The following SUGCT variants were observed in gnomAD, a reference collection of about 807,000 sequenced individuals.
SUGCT encodes succinyl-CoA:glutarate-CoA transferase.
A neutral mutation model predicts 55.0 loss-of-function variants in SUGCT; 41 were observed. The ratio of observed to expected loss-of-function variants is 0.74; its 90% CI spans 0.58 to 0.97. The LOEUF is 0.97. SUGCT is among the 50% of genes least tolerant of loss of function. The pLI, the probability that SUGCT is intolerant of heterozygous loss-of-function variation, is 0.00. For synonymous variants in SUGCT, 187 were observed against 200.4 expected (o/e 0.93, Z 0.56); for missense variants, 568 against 547.8 (o/e 1.04, Z -0.37).
the SUGCT span, among the ~76,000 whole-genome samples, chr7:40,922,216 C>T: frequency 1.3e-5 from 2 of 152,168 alleles, no homozygotes; most frequent in Non-Finnish European, 2.9e-5. Context: ...CTAGTGACCC[C>T]TTTTGGGCTT....
At chr7:41,038,557 G>A in the SUGCT span, among the ~76,000 whole-genome samples, 85 of 152,222 alleles carry the variant, frequency 5.6e-4, 1 homozygote, top group Middle Eastern at 3.4e-3. Context: ...TTCTGTGACC[G>A]GTGCTAGTTT....
At chr7:40,306,781 C>T (rs547432003) in intron 8 of SUGCT, among the ~76,000 whole-genome samples, 8 of 152,260 alleles carry the variant, frequency 5.3e-5, no homozygotes, top group Non-Finnish European at 1.0e-4. Flanking sequence ...TTTAGTTGTT[C>T]ATAACCACTC....
chr7:40,767,071 A>G (rs909303855), intron 13 of SUGCT, among the ~76,000 whole-genome samples: 1 of 152,204 alleles, frequency 6.6e-6, no homozygotes, highest in Non-Finnish European at 1.5e-5. Context: ...TTATTTACTT[A>G]TTACATGCTT....
intron 9 of SUGCT, among the ~76,000 whole-genome samples, chr7:40,363,444 G>A (rs923743438): frequency 2.0e-5 from 3 of 151,936 alleles, no homozygotes; most frequent in Non-Finnish European, 4.4e-5. Flanking sequence ...TCTCTTGTGG[G>A]CATTTAGTAC....
At chr7:40,690,299 C>T (rs1784637773) in intron 12 of SUGCT, among the ~76,000 whole-genome samples, 2 of 152,098 alleles carry the variant, frequency 1.3e-5, no homozygotes, top group African/African-American at 4.8e-5. Flanking sequence ...CATGAGTAGA[C>T]TTCTGCTCAA....
intron 9 of SUGCT, among the ~76,000 whole-genome samples, chr7:40,334,371 T>G (rs1390280277): frequency 1.3e-5 from 2 of 152,212 alleles, no homozygotes; most frequent in Non-Finnish European, 2.9e-5. Flanking sequence ...CCACCAACAG[T>G]GTAAAAGTGT....
downstream of SUGCT, among the ~76,000 whole-genome samples, chr7:40,863,604 G>C (rs1438413075): frequency 6.6e-6 from 1 of 152,140 alleles, no homozygotes; most frequent in Non-Finnish European, 1.5e-5. Flanking sequence ...CTCTCAATTG[G>C]CAAAGGAGAT....
At chr7:41,000,845 T>A in the SUGCT span, among the ~76,000 whole-genome samples, 3 of 152,242 alleles carry the variant, frequency 2.0e-5, no homozygotes, top group East Asian at 5.8e-4. Context: ...GCACAACATA[T>A]TTTTAAGGTT....
chr7:40,213,716 G>C (rs1390712252), intron 6 of SUGCT, among the ~76,000 whole-genome samples: 1 of 152,038 alleles, frequency 6.6e-6, no homozygotes, highest in East Asian at 1.9e-4. Context: ...TGTTTATTCA[G>C]GTATTTGTTT....
chr7:40,873,225 G>T, the SUGCT span, among the ~76,000 whole-genome samples: 1 of 152,260 alleles, frequency 6.6e-6, no homozygotes. Flanking sequence ...ACTTACCAAT[G>T]AGCTTCCCAT....
chr7:40,990,668 A>G, the SUGCT span, among the ~76,000 whole-genome samples: 1 of 152,250 alleles, frequency 6.6e-6, no homozygotes, highest in African/African-American at 2.4e-5. Context: ...TTTAATCCAC[A>G]TAGCAAATTT....
At chr7:41,015,960 T>C in the SUGCT span, among the ~76,000 whole-genome samples, 2 of 152,198 alleles carry the variant, frequency 1.3e-5, no homozygotes, top group Non-Finnish European at 2.9e-5. Context: ...GGAAAGACCC[T>C]ATCTGCATGG....
At chr7:41,031,119 G>A in the SUGCT span, among the ~76,000 whole-genome samples, 12 of 152,016 alleles carry the variant, frequency 7.9e-5, no homozygotes, top group African/African-American at 2.7e-4. Context: ...AAGCCACCAC[G>A]CTGGCCTAAT....
chr7:41,010,912 T>G, the SUGCT span, among the ~76,000 whole-genome samples: 1 of 152,348 alleles, frequency 6.6e-6, no homozygotes, highest in East Asian at 1.9e-4. Flanking sequence ...TCTTGATGAC[T>G]GAGTCTCAAA....
At chr7:40,370,909 G>A (rs1784266025) in intron 9 of SUGCT, among the ~76,000 whole-genome samples, 1 of 151,988 alleles carries the variant, frequency 6.6e-6, no homozygotes, top group Non-Finnish European at 1.5e-5. Flanking sequence ...GAATACCTAT[G>A]GTGTCTCAAG....
intron 13 of SUGCT, among the ~76,000 whole-genome samples, chr7:40,836,051 C>CCTA (rs918402083): frequency 2.7e-5 from 4 of 146,622 alleles, no homozygotes; most frequent in East Asian, 2.6e-4. Context: ...TGTCACTATG[C>CCTA]CTACTAATTT....
chr7:40,248,909 C>A (rs1317897656), intron 7 of SUGCT, among the ~76,000 whole-genome samples: 1 of 74,406 alleles, frequency 1.3e-5, no homozygotes, highest in African/African-American at 4.8e-5. Context: ...CACACACACA[C>A]GCACACACAC....
intron 12 of SUGCT, among the ~76,000 whole-genome samples, chr7:40,506,804 A>G (rs1792628562): frequency 6.6e-6 from 1 of 152,036 alleles, no homozygotes; most frequent in African/African-American, 2.4e-5. Flanking sequence ...TGCCAGTTCA[A>G]ATTTATGGTT....
chr7:40,744,869 A>T (rs1787651214), intron 12 of SUGCT, among the ~76,000 whole-genome samples: 1 of 152,208 alleles, frequency 6.6e-6, no homozygotes, highest in African/African-American at 2.4e-5. Flanking sequence ...ATATTATCTT[A>T]ATCTAACAAA....
Sources: allele counts gnomAD v4.1 joint callset (sites outside exome capture counted in the v4.1 genomes callset), GRCh38; gene constraint gnomAD v4.1.1; transcripts MANE v1.5; gene names NCBI Gene and HGNC (gene_info 2026-07-23, HGNC 2026-07-21).